NCALD: variants seen among roughly 807,000 people sequenced by gnomAD.
NCALD encodes the protein neurocalcin delta, also known as neurocalcin-delta.
A neutral mutation model predicts 18.6 loss-of-function variants in NCALD; 10 were observed. The observed-to-expected ratio is 0.54, with a 90% CI of 0.33 to 0.91. The LOEUF (loss-of-function observed/expected upper bound fraction) is 0.91. Among genes scored for constraint, NCALD ranks in the 40% least tolerant of loss-of-function variants. NCALD has a pLI of 0.03. For missense variants in NCALD, 184 were observed against 247.6 expected, an observed-to-expected ratio of 0.74 and a Z score of 1.72; for synonymous variants, 88 against 87.4, an observed-to-expected ratio of 1.01 and a Z score of -0.04.
upstream of NCALD, among the ~76,000 whole-genome samples, chr8:101,791,769 G>T (rs977440051): frequency 6.6e-6 from 1 of 152,128 alleles, no homozygotes; most frequent in Non-Finnish European, 1.5e-5. Flanking sequence ...GGTGCCAAAT[G>T]CTCCCCTCTT....
At chr8:101,995,431 G>A (rs1328729080) in intron 2 of NCALD, among the ~76,000 whole-genome samples, 3 of 152,136 alleles carry the variant, frequency 2.0e-5, no homozygotes, top group Admixed American at 6.5e-5. Flanking sequence ...ATTGGCTCAC[G>A]GTTCTGCAGG....
chr8:101,813,372 G>A (rs771087940), intron 4 of NCALD, among the ~76,000 whole-genome samples: 2 of 152,056 alleles, frequency 1.3e-5, no homozygotes, highest in Non-Finnish European at 2.9e-5. Flanking sequence ...ATTCCAGAAT[G>A]CTAAGAAGAG....
intron 2 of NCALD, among the ~76,000 whole-genome samples, chr8:101,975,580 G>A (rs893469831): frequency 2.6e-5 from 4 of 152,212 alleles, no homozygotes; most frequent in African/African-American, 9.6e-5. Context: ...CAAGGTGCTT[G>A]CAACTACTAG....
At chr8:101,934,139 G>T (rs1818673074) in intron 2 of NCALD, among the ~76,000 whole-genome samples, 1 of 152,182 alleles carries the variant, frequency 6.6e-6, no homozygotes, top group African/African-American at 2.4e-5. Flanking sequence ...TGTACTAGGT[G>T]CAGGGATACA....
intron 4 of NCALD, among the ~76,000 whole-genome samples, chr8:101,885,188 G>A (rs1033610551): frequency 6.6e-6 from 1 of 152,160 alleles, no homozygotes; most frequent in African/African-American, 2.4e-5. Context: ...CCTGACTTAA[G>A]GAGGCTAAAG....
chr8:101,904,737 T>C (rs1007790720), intron 3 of NCALD, among the ~76,000 whole-genome samples: 1 of 152,230 alleles, frequency 6.6e-6, no homozygotes, highest in Admixed American at 6.5e-5. Flanking sequence ...ACTCCAACTA[T>C]TGCAGCCAGA....
chr8:102,026,599 G>C (rs1474791526), intron 1 of NCALD, among the ~76,000 whole-genome samples: 1 of 152,190 alleles, frequency 6.6e-6, no homozygotes, highest in East Asian at 1.9e-4. Flanking sequence ...CAGCCACCCT[G>C]TCAGCTTCCT....
intron 4 of NCALD, among the ~76,000 whole-genome samples, chr8:101,854,451 T>C (rs1348474553): frequency 6.6e-6 from 1 of 152,160 alleles, no homozygotes; most frequent in East Asian, 1.9e-4. Context: ...ACATTCACTT[T>C]CTACTGTCCC....
chr8:101,779,617 C>T (rs1022847470), intron 1 of NCALD, among the ~76,000 whole-genome samples: 12 of 152,244 alleles, frequency 7.9e-5, no homozygotes, highest in African/African-American at 2.2e-4. Context: ...CAGTGGTTTA[C>T]GACTTCATGA....
At chr8:102,009,001 C>T (rs1821812785) in intron 2 of NCALD, among the ~76,000 whole-genome samples, 1 of 144,432 alleles carries the variant, frequency 6.9e-6, no homozygotes, top group South Asian at 2.3e-4. Context: ...AGTTTTGTCT[C>T]TCCTATACCT....
chr8:101,812,915 A>G (rs552914159), intron 4 of NCALD, among the ~76,000 whole-genome samples: 1 of 152,280 alleles, frequency 6.6e-6, no homozygotes, highest in East Asian at 1.9e-4. Flanking sequence ...AAACACAATC[A>G]GCACATCTTT....
chr8:101,943,756 T>C (rs895399550), intron 2 of NCALD, among the ~76,000 whole-genome samples: 5 of 151,902 alleles, frequency 3.3e-5, no homozygotes, highest in East Asian at 1.9e-4. Context: ...CTGGCTAACA[T>C]GATGAAACCC....
At chr8:101,794,182 T>C (rs185745989), upstream of NCALD, among the ~76,000 whole-genome samples, 220 of 152,340 alleles carry the variant, frequency 1.4e-3, 1 homozygote, top group Admixed American at 3.7e-3. Flanking sequence ...AGTGTGTATG[T>C]CATTTCTTCT....
At chr8:102,054,802 C>A in intron 1 of NCALD, among the ~76,000 whole-genome samples, 1 of 151,780 alleles carries the variant, frequency 6.6e-6, no homozygotes, top group East Asian at 1.9e-4. Context: ...CTATCTTTTT[C>A]TCTATATTTC....
intron 4 of NCALD, among the ~76,000 whole-genome samples, chr8:101,803,267 G>T (rs865955065): frequency 6.6e-6 from 1 of 152,144 alleles, no homozygotes; most frequent in Admixed American, 6.5e-5. Context: ...ACAAAGCCTG[G>T]ATCACAGTAC....
At chr8:101,734,272 A>G (rs957488823) in intron 1 of NCALD, among the ~76,000 whole-genome samples, 2 of 151,502 alleles carry the variant, frequency 1.3e-5, no homozygotes, top group Admixed American at 1.3e-4. Context: ...ATTCCTACAC[A>G]CTCACCCTGC....
rs576845985 is a variant in NCALD, at chr8:101,863,374, A to G, written c.-20+23767T>C. ...TCCATTTGCCAACTTGGCCTCTGCC[A>G]AAGTCTTGCTTTCAATTTTTAAAAA... On this transcript the variant is annotated intron_variant, in intron 4 of 6. Coordinates refer to the NCALD transcript ENST00000311028. Among the ~76,000 whole-genome samples, 5 of 152,334 alleles carry G rather than the reference A, an allele frequency of 3.3e-5. No individual in the cohort carries two copies. The East Asian group carries it at 9.6e-4, about 29-fold the overall frequency.
chr8:101,904,078 C>G (rs1817529022), intron 3 of NCALD, among the ~76,000 whole-genome samples: 1 of 152,196 alleles, frequency 6.6e-6, no homozygotes, highest in South Asian at 2.1e-4. Context: ...AAATGGAGGA[C>G]AGTAAGCCTG....
At chr8:101,767,557 C>T (rs1278304503) in intron 1 of NCALD, among the ~76,000 whole-genome samples, 1 of 152,182 alleles carries the variant, frequency 6.6e-6, no homozygotes. Context: ...AGGTGTCAGC[C>T]CTAACCATGA....
Sources: gnomAD v4.1 joint callset for allele counts (sites outside exome capture counted in the v4.1 genomes callset) on GRCh38, gnomAD v4.1.1 for gene constraint, MANE v1.5 for transcripts, NCBI Gene and HGNC (gene_info 2026-07-23, HGNC 2026-07-21) for gene names.